The following CDH17 variants were observed in gnomAD, a reference collection of about 807,000 sequenced individuals.
The protein encoded by CDH17 is cadherin-17.
In CDH17, 67 loss-of-function variants were observed where a neutral mutation model predicts 86.3. That is an observed-to-expected ratio of 0.78 (90% CI 0.64 to 0.95). The LOEUF (loss-of-function observed/expected upper bound fraction) is 0.95, where lower values mean the gene tolerates loss of function less well. Among genes scored for constraint, CDH17 ranks in the 40% least tolerant of loss-of-function variants. The probability of loss-of-function intolerance (pLI) is 0.00; values close to 1 mark genes in which losing one functional copy is unlikely to be tolerated. For missense variants in CDH17, 993 were observed against 1,017.6 expected (o/e 0.98, Z 0.33); for synonymous variants, 367 against 366.4 (o/e 1.00, Z -0.02).
chr8:94,157,096 G>A (rs985126627), intron 12 of CDH17, among the ~76,000 whole-genome samples: 5 of 152,210 alleles, frequency 3.3e-5, no homozygotes, highest in Non-Finnish European at 7.3e-5. Context: ...ATCAGTGGGA[G>A]AAGCAAGAGA....
intron 1 of CDH17, among the ~76,000 whole-genome samples, chr8:94,215,345 G>A (rs1335242050): frequency 6.6e-6 from 1 of 152,024 alleles, no homozygotes; most frequent in Non-Finnish European, 1.5e-5. Context: ...GATACTACAA[G>A]ACTAAACCTT....
chr8:94,168,508 G>C (rs1433286063), intron 9 of CDH17, among the ~76,000 whole-genome samples: 1 of 151,904 alleles, frequency 6.6e-6, no homozygotes, highest in Non-Finnish European at 1.5e-5. Context: ...TATCAGCTAA[G>C]CTAGACAGTA....
chr8:94,140,420 T>TGTCTA (rs1812615443), intron 15 of CDH17, among the ~76,000 whole-genome samples: 2 of 151,986 alleles, frequency 1.3e-5, no homozygotes, highest in Non-Finnish European at 1.5e-5. Flanking sequence ...ACTGAGGCCC[T>TGTCTA]GTCTATTAAA....
At chr8:94,161,530 A>G (rs1028694873) in intron 11 of CDH17, among the ~76,000 whole-genome samples, 4 of 152,094 alleles carry the variant, frequency 2.6e-5, no homozygotes, top group African/African-American at 9.7e-5. Flanking sequence ...GAAAACAGTA[A>G]TTTGCATTTT....
At position 94,176,619 on chromosome 8, in the gene CDH17, C is replaced by T. The variant is rs1345272153; in HGVS notation, c.346G>A (p.Val116Met). 2 of 1,613,544 alleles carry T rather than the reference C, an allele frequency of 1.2e-6. No homozygotes were observed. The highest frequency in any genetic ancestry group is 1.7e-5 in the Admixed American group (1 of 59,946). The part of the protein sequence containing the change: ...VEGPVPITIK[V>M]KDINDNRPTF... ...GGTCGATTGTCGTTGATGTCCTTCA[C>T]TTTTATGGTGATAGGGACTGGACCC... Residue 116 changes from valine to methionine, a missense_variant, in exon 5 of 18, where the codon GTG (valine) becomes ATG (methionine). Coordinates refer to ENST00000027335, the MANE Select transcript of CDH17 (RefSeq NM_004063.4).
At position 94,173,855 on chromosome 8, in the gene CDH17, G is replaced by T; in HGVS notation, c.725C>A (p.Pro242Gln). Residue 242 changes from proline to glutamine, a missense_variant, in exon 7 of 18, where the codon CCA becomes CAA. Pro to Gln is a moderately conservative substitution (Grantham distance 76, BLOSUM62 -1). Coordinates refer to ENST00000027335, the MANE Select transcript of CDH17 (RefSeq NM_004063.4). Reference sequence around the variant, plus strand: ...GTTTTCCACCATCTCCACAGGTTTTGGTGCTTTCCAAATATTCTCTGTCAC... The same window carrying T: ...GTTTTCCACCATCTCCACAGGTTTTTGTGCTTTCCAAATATTCTCTGTCAC... ...IIVTENIWKAPKPVEMVENST... is the reference protein window; with the variant it reads ...IIVTENIWKAQKPVEMVENST... 6.2e-7 allele frequency: 1 copy of T among 1,613,784 alleles called. No individual in the cohort carries two copies. Among genetic ancestry groups the T allele is most frequent in the Non-Finnish European group, 8.5e-7 (1 of 1,179,854 alleles).
At chr8:94,147,154 C>T (rs1353535226) in intron 14 of CDH17, among the ~76,000 whole-genome samples, 5 of 152,156 alleles carry the variant, frequency 3.3e-5, no homozygotes, top group Admixed American at 3.3e-4. Context: ...AAGTTCTGAT[C>T]CCCATGGTAT....
intron 9 of CDH17, among the ~76,000 whole-genome samples, chr8:94,168,351 C>A (rs1448793750): frequency 6.9e-6 from 1 of 145,586 alleles, no homozygotes; most frequent in African/African-American, 2.6e-5. Flanking sequence ...GTTGGCCAGG[C>A]TGGTCTCGAA....
At chr8:94,152,223 C>CAT in intron 12 of CDH17, 111 bp from the exon 13 acceptor site, 3 of 1,134,866 alleles carry the variant, frequency 2.6e-6, no homozygotes, top group Non-Finnish European at 3.7e-6. Context: ...ATTGGAAAAA[C>CAT]TGGATATCCA....
chr8:94,170,008 G>A lies in CDH17; in HGVS notation c.1066+389C>T, dbSNP rs193165012. ...TTGGGTGTAAATGTTTAAATTCTTT[G>A]GCAAATGTGATGAGATTATCTCTTT... On this transcript the variant is annotated intron_variant, in intron 9 of 17. Coordinates refer to ENST00000027335, the MANE Select transcript of CDH17 (RefSeq NM_004063.4). Among the ~76,000 whole-genome samples the A allele has an allele frequency of 7.6e-3, 1,154 of 152,130 alleles. 15 individuals carry two copies. The highest frequency in any genetic ancestry group is 0.026 in the African/African-American group (1,083 of 41,484).
intron 17 of CDH17, 75 bp downstream of exon 17, chr8:94,130,551 G>A (rs1485211080): frequency 1.5e-5 from 15 of 1,001,362 alleles, no homozygotes; most frequent in Admixed American, 4.5e-5. Context: ...ACCAGTCCAG[G>A]AAGACAGGCC....
At chr8:94,180,761 G>A (rs1024304695) in intron 3 of CDH17, among the ~76,000 whole-genome samples, 6 of 152,064 alleles carry the variant, frequency 3.9e-5, no homozygotes, top group African/African-American at 7.2e-5. Flanking sequence ...CGGGCATGGT[G>A]GTGGGCATCT....
upstream of CDH17, chr8:94,208,692 C>T (rs1814075895): frequency 6.7e-6 from 1 of 149,576 alleles, no homozygotes; most frequent in South Asian, 2.2e-4. Flanking sequence ...AGTGTCATTA[C>T]TTTTACTCCA....
rs1234040829 is a variant in CDH17 at position 94,127,367 on chromosome 8, AGGTTG to A, written c.*868_*872del. 1 of 152,272 alleles carries A rather than the reference AGGTTG, an allele frequency of 6.6e-6. No individual in the cohort carries two copies. The highest frequency in any genetic ancestry group is 6.5e-5 in the Admixed American group (1 of 15,290). The allele number at this position is 152,272 out of a possible 1,614,324, so 9.4% of individuals were successfully genotyped here. On this transcript the variant is annotated 3_prime_UTR_variant, in exon 18 of 18. Transcript: ENST00000027335. ...GTTCCTTTACCAAGGTTTGCAGAGT[AGGTTG>A]TGTTTGAACACCTTCTGTGGGTCTG...
At chr8:94,187,972 T>C (rs1315931225) in intron 3 of CDH17, among the ~76,000 whole-genome samples, 1 of 152,176 alleles carries the variant, frequency 6.6e-6, no homozygotes, top group Non-Finnish European at 1.5e-5. Context: ...GCTCTTACTC[T>C]GGGGCCCTTT....
Position 94,128,033 on chromosome 8 carries a change from C to T in CDH17, c.*207G>A, listed in dbSNP as rs1812334985. The T allele has an allele frequency of 4.5e-6, 2 of 446,622 alleles. No homozygotes were observed. Among genetic ancestry groups the T allele is most frequent in the South Asian group, 3.1e-5 (1 of 32,284 alleles). The allele number at this position is 446,622 out of a possible 1,614,324, so 27.7% of individuals were successfully genotyped here. On this transcript the variant is annotated 3_prime_UTR_variant, in exon 18 of 18. Transcript: ENST00000027335. ...ATGTGAACCCAGGAGGCGGAGGTTGCAGTGAGCTGGGATCACACCACTGTA... is the reference window on the plus strand; with the variant it reads ...ATGTGAACCCAGGAGGCGGAGGTTGTAGTGAGCTGGGATCACACCACTGTA...
Position 94,135,485 on chromosome 8 carries a change from C to CT in CDH17, c.2168-4494dup, listed in dbSNP as rs1563564104. Among the ~76,000 whole-genome samples the CT allele has an allele frequency of 2.6e-5, 4 of 152,086 alleles. No individual in the cohort carries two copies. The South Asian group carries it at 6.2e-4, about 24-fold the overall frequency. ...TCAGAGACTAGGATTGCGATCCCTG[C>CT]TTTTTTTGCTTTCCATTTGCTTGGT... On this transcript the variant is annotated intron_variant, in intron 15 of 17. Transcript: ENST00000027335.
intron 4 of CDH17, 143 bp from the exon 5 acceptor site, chr8:94,176,822 G>T: frequency 1.4e-6 from 1 of 735,890 alleles, no homozygotes; most frequent in African/African-American, 1.8e-5. Context: ...GGCCAAATTG[G>T]GAAATGCTAA....
intron 10 of CDH17, among the ~76,000 whole-genome samples, chr8:94,164,913 A>G (rs56655874): frequency 0.32 from 48,676 of 152,002 alleles, 8,030 homozygotes; most frequent in South Asian, 0.49. Context: ...CTGTGACCCA[A>G]TAGAGATTAA....
Sources: allele counts gnomAD v4.1 joint callset (sites outside exome capture counted in the v4.1 genomes callset), GRCh38; gene constraint gnomAD v4.1.1; transcripts MANE v1.5; gene names NCBI Gene and HGNC (gene_info 2026-07-23, HGNC 2026-07-21).